The following CD300E variants were observed in gnomAD, a reference collection of about 807,000 sequenced individuals.
CD300E encodes CMRF35-like molecule 2.
CD300E carries 14 observed loss-of-function variants against 20.9 expected under a neutral mutation model. The observed-to-expected ratio is 0.67, with a 90% CI of 0.44 to 1.05. CD300E has a LOEUF of 1.05. Among genes scored for constraint, CD300E ranks in the 50% least tolerant of loss-of-function variants. The pLI, the probability that CD300E is intolerant of heterozygous loss-of-function variation, is 0.00. For synonymous variants in CD300E, 102 were observed against 103.7 expected (o/e 0.98, Z 0.10); for missense variants, 237 against 253.9 (o/e 0.93, Z 0.45).
chr17:74,613,514 C>A (rs1443611679), intron 3 of CD300E, among the ~76,000 whole-genome samples: 1 of 152,174 alleles, frequency 6.6e-6, no homozygotes, highest in Non-Finnish European at 1.5e-5. Context: ...GATTCAAACC[C>A]CAGCCTGGAG....
At chr17:74,619,448 A>T (rs1466507794) in intron 1 of CD300E, 2 of 191,636 alleles carry the variant, frequency 1.0e-5, no homozygotes, top group African/African-American at 4.7e-5. Context: ...TCCAGCCCAA[A>T]AAGTCTTTAA....
chr17:74,615,699 T>C (rs2030885007), intron 2 of CD300E, among the ~76,000 whole-genome samples: 1 of 152,164 alleles, frequency 6.6e-6, no homozygotes, highest in African/African-American at 2.4e-5. Flanking sequence ...ACTGGGATGA[T>C]TAGTGACCTT....
chr17:74,615,163 C>G (rs1184066082), intron 2 of CD300E, among the ~76,000 whole-genome samples: 1 of 152,362 alleles, frequency 6.6e-6, no homozygotes, highest in Admixed American at 6.5e-5. Flanking sequence ...AATCCACCCC[C>G]AGGCCAGCAG....
chr17:74,621,929 T>C (rs1241106893), intron 1 of CD300E, among the ~76,000 whole-genome samples: 1 of 152,152 alleles, frequency 6.6e-6, no homozygotes, highest in Non-Finnish European at 1.5e-5. Flanking sequence ...TATAAAAATG[T>C]GTAATAAATA....
chr17:74,612,966 G>A (rs2030817765), intron 3 of CD300E, among the ~76,000 whole-genome samples, 193 bp from the exon 4 acceptor site: 1 of 152,188 alleles, frequency 6.6e-6, no homozygotes, highest in Non-Finnish European at 1.5e-5. Flanking sequence ...TGCCCGGGGG[G>A]TCTCATCAAG....
chr17:74,619,532 T>C (rs993567569), intron 1 of CD300E, among the ~76,000 whole-genome samples: 1 of 152,158 alleles, frequency 6.6e-6, no homozygotes, highest in African/African-American at 2.4e-5. Flanking sequence ...CTCTGGAATC[T>C]GTCCTCCACT....
In CD300E at chr17:74,617,347, C is replaced by T. The variant is rs140146578; in HGVS notation, c.159G>A (p.Gln53=). ...KGYNKYWCRG[Q]YDTSCESIVE... ...CAATGCTCTCACATGACGTGTCGTA[C>T]TGTCCTCGGCACCAGTACTTGTTAT... The change falls in exon 2 of 4, where the codon CAG becomes CAA. Residue 53 remains glutamine (Q), a synonymous_variant. Transcript: ENST00000392619. The T allele has an allele frequency of 8.7e-5, 141 of 1,614,230 alleles. No homozygotes were observed. In the African/African-American group the frequency reaches 1.6e-3, roughly 18 times the overall value.
Position 74,617,284 on chromosome 17 carries a change from G to A in CD300E, c.222C>T (p.Gly74=). The A allele has an allele frequency of 6.2e-7, 1 of 1,614,216 alleles. No homozygotes were observed. The highest frequency in any genetic ancestry group is 8.5e-7 in the Non-Finnish European group (1 of 1,180,048). ...TKGEEKVERN[G]RVSIRDHPEA... is the part of the protein sequence containing the mutation. ...CCGGGTGGTCTCTGATGGACACGCG[G>A]CCATTCCTCTCCACCTTCTCTTCTC... Residue 74 remains glycine, a synonymous_variant, in exon 2 of 4, where the codon GGC becomes GGT. Transcript: ENST00000392619.
Position 74,613,943 on chromosome 17 carries a change from A to C in CD300E, c.479T>G (p.Val160Gly). The C allele has an allele frequency of 6.2e-7, 1 of 1,613,080 alleles. No homozygotes were observed. Among genetic ancestry groups the C allele is most frequent in the Non-Finnish European group, 8.5e-7 (1 of 1,179,606 alleles). ...NPGRNLSTGEVLTQNSGFRLS... is the reference protein window; with the variant it reads ...NPGRNLSTGEGLTQNSGFRLS... ...TGCTTACCCTGAATTTTGGGTCAACACCTCCCCGGTGCTGAGGTTTCGCCC... is the reference window on the plus strand; with the variant it reads ...TGCTTACCCTGAATTTTGGGTCAACCCCTCCCCGGTGCTGAGGTTTCGCCC... Residue 160 changes from valine (V) to glycine (G), a missense_variant, in exon 3 of 4, where the codon GTG becomes GGG. Val to Gly is a moderately radical substitution (Grantham distance 109). Transcript: ENST00000392619.
Position 74,617,165 on chromosome 17 carries a change from G to A in CD300E, c.341C>T (p.Ser114Leu). 6.2e-7 allele frequency: 1 copy of A among 1,614,174 alleles called. No homozygotes were observed. Among genetic ancestry groups the A allele is most frequent in the Non-Finnish European group, 8.5e-7 (1 of 1,180,026 alleles). ...CKIQTVWVLD[S>L]WSRDPSDLVR... ...CAGGTCCGAGGGATCGCGTGACCAT[G>A]AATCCAGGACCCACACTGTCTGAAT... is the stretch of plus-strand genomic sequence containing the variant. Residue 114 changes from serine to leucine, a missense_variant, in exon 2 of 4, where the codon TCA becomes TTA. Physicochemically the swap from Ser to Leu is moderately radical, Grantham distance 145 (BLOSUM62 -2). Coordinates refer to ENST00000392619, the MANE Select transcript of CD300E (RefSeq NM_181449.3).
rs560846024 is a variant in CD300E, at chr17:74,623,597, G to A, written c.25C>T (p.Leu9Phe). The A allele has an allele frequency of 1.2e-6, 2 of 1,614,158 alleles. No homozygotes were observed. Among genetic ancestry groups the A allele is most frequent in the African/African-American group, 2.7e-5 (2 of 75,052 alleles). MWLLPALL[L>F]LCLSGCLSLK... ...CCCCACTCACCTGAGAGGCAGAGAA[G>A]GAGTAGAGCTGGGAGCAGCCACATG... is the stretch of plus-strand genomic sequence containing the variant. The change falls in exon 1 of 4, where the codon CTT becomes TTT. Residue 9 changes from leucine to phenylalanine, a missense_variant. Leu to Phe is a conservative substitution (Grantham distance 22, BLOSUM62 0). Transcript: ENST00000392619.
At chr17:74,621,996 G>A (rs989055205) in intron 1 of CD300E, among the ~76,000 whole-genome samples, 1 of 151,930 alleles carries the variant, frequency 6.6e-6, no homozygotes, top group African/African-American at 2.4e-5. Context: ...TAGAAATGGG[G>A]TCTTGCTATG....
Position 74,621,694 on chromosome 17 carries a change from T to G in CD300E, c.40+1888A>C, listed in dbSNP as rs200410994. ...AGAGAGGTCAGCTATTTTGTCACTATTACTAGGTTAGCCTTATTCTTGACA... is the reference window on the plus strand; with the variant it reads ...AGAGAGGTCAGCTATTTTGTCACTAGTACTAGGTTAGCCTTATTCTTGACA... On this transcript the variant is annotated intron_variant, in intron 1 of 3. Transcript: ENST00000392619. Among the ~76,000 whole-genome samples, 3 of 152,208 alleles carry G rather than the reference T, an allele frequency of 2.0e-5. No homozygotes were observed. In the East Asian group the frequency reaches 5.8e-4, roughly 29 times the overall value.
At chr17:74,614,102 A>G (rs1489970179) in intron 2 of CD300E, 69 bp from the exon 3 acceptor site, 1 of 1,184,192 alleles carries the variant, frequency 8.4e-7, no homozygotes, top group African/African-American at 1.5e-5. Flanking sequence ...ACCCGTATGG[A>G]TGTCATACAG....
At chr17:74,615,206 G>A (rs972647265) in intron 2 of CD300E, among the ~76,000 whole-genome samples, 19 of 152,246 alleles carry the variant, frequency 1.2e-4, no homozygotes, top group South Asian at 6.2e-4. Flanking sequence ...TAGCAGAGGC[G>A]AATGCCGGAC....
rs1255914090 is a variant in CD300E, at chr17:74,619,214, G to T, written c.41-1749C>A. On this transcript the variant is annotated intron_variant, in intron 1 of 3. Coordinates refer to ENST00000392619, the MANE Select transcript of CD300E (RefSeq NM_181449.3). Reference sequence around the variant, plus strand: ...TTTCCCACAGTGGGAGCTTGGCAGGGTACAAAGGGCTTGTCACAGCCAAGA... The same window carrying T: ...TTTCCCACAGTGGGAGCTTGGCAGGTTACAAAGGGCTTGTCACAGCCAAGA... 5 of 459,722 alleles carry T rather than the reference G, an allele frequency of 1.1e-5. No homozygotes were observed. The Admixed American group carries it at 1.2e-4, about 11-fold the overall frequency. 28.5% of individuals were successfully genotyped at this position (459,722 alleles called of 1,614,324 possible). A position where few individuals can be genotyped will look rare whatever the true frequency, so the allele number is the denominator to read the frequency against.
At position 74,611,153 on chromosome 17, in the gene CD300E, G is replaced by A. The variant is rs909247184; in HGVS notation, c.*1500C>T. ...TTTCTTGCTCATCATCATATTTCCC[G>A]GGTTAATATAATTAATATGGGCCTT... On this transcript the variant is annotated 3_prime_UTR_variant, in exon 4 of 4. Transcript: ENST00000392619. 8 of 152,092 alleles carry A rather than the reference G, an allele frequency of 5.3e-5. No homozygotes were observed. The highest frequency in any genetic ancestry group is 4.8e-5 in the African/African-American group (2 of 41,394). 9.4% of individuals were successfully genotyped at this position (152,092 alleles called of 1,614,324 possible).
intron 2 of CD300E, among the ~76,000 whole-genome samples, chr17:74,616,595 G>T (rs934363961): frequency 6.6e-6 from 1 of 152,158 alleles, no homozygotes; most frequent in African/African-American, 2.4e-5. Flanking sequence ...AAGGAAGCAG[G>T]TGGAAAGTCA....
At position 74,612,534 on chromosome 17, in the gene CD300E, A is replaced by G. The variant is rs1335757343; in HGVS notation, c.*119T>C. 7.2e-7 allele frequency: 1 copy of G among 1,393,538 alleles called. No individual in the cohort carries two copies. Among genetic ancestry groups the G allele is most frequent in the Non-Finnish European group, 9.7e-7 (1 of 1,030,840 alleles). 86.3% of individuals were successfully genotyped at this position (1,393,538 alleles called of 1,614,324 possible). A position where few individuals can be genotyped will look rare whatever the true frequency, so the allele number is the denominator to read the frequency against. On this transcript the variant is annotated 3_prime_UTR_variant, in exon 4 of 4. Transcript: ENST00000392619. ...AAGAGCCAGGACCCTCCTTTGAGGC[A>G]CAGGAACAATAAATCCCTCCAGAGT...
Sources: gnomAD v4.1 joint callset for allele counts (sites outside exome capture counted in the v4.1 genomes callset) on GRCh38, gnomAD v4.1.1 for gene constraint, MANE v1.5 for transcripts, NCBI Gene and HGNC (gene_info 2026-07-23, HGNC 2026-07-21) for gene names.